Variants in WNK2 observed in about 807,000 individuals in gnomAD.
WNK2 encodes the protein WNK lysine deficient protein kinase 2, also known as serine/threonine-protein kinase WNK2.
Under a neutral mutation model 192.1 loss-of-function variants are expected in WNK2, and 67 were observed. That is an observed-to-expected ratio of 0.35 (90% CI 0.29 to 0.43). WNK2 has a LOEUF of 0.43. Ranked by LOEUF, WNK2 falls within the 20% of genes least tolerant of loss-of-function variation. The pLI, the probability that WNK2 is intolerant of heterozygous loss-of-function variation, is 1.00. For synonymous variants in WNK2, 1,439 were observed against 1,393.9 expected (o/e 1.03, Z -0.72); for missense variants, 2,698 against 3,089.7 (o/e 0.87, Z 3.01).
At chr9:93,290,175 ATCTGT>A in intron 21 of WNK2, 128 bp downstream of exon 21, 1 of 796,656 alleles carries the variant, frequency 1.3e-6, no homozygotes. Flanking sequence ...AGATCCTTTT[ATCTGT>A]AAGGGATCCT....
intron 2 of WNK2, among the ~76,000 whole-genome samples, chr9:93,194,755 G>C (rs112224729): frequency 1.3e-5 from 2 of 152,178 alleles, no homozygotes; most frequent in Non-Finnish European, 2.9e-5. Flanking sequence ...ACCTGCACAC[G>C]GATGTTTATA....
chr9:93,244,328 A>T (rs955718222), intron 7 of WNK2, among the ~76,000 whole-genome samples: 2 of 152,196 alleles, frequency 1.3e-5, no homozygotes, highest in African/African-American at 4.8e-5. Context: ...GGCCTGGGCC[A>T]GCTTCAATCT....
At chr9:93,233,216 A>T (rs1839185633) in intron 4 of WNK2, among the ~76,000 whole-genome samples, 2 of 146,058 alleles carry the variant, frequency 1.4e-5, no homozygotes, top group Non-Finnish European at 3.0e-5. Flanking sequence ...AAAAAAAAAA[A>T]ATTGCTAGTG....
rs185209720 is a variant in WNK2, at chr9:93,250,854, G to A, written c.1835-2029G>A. Among the ~76,000 whole-genome samples the A allele has an allele frequency of 2.1e-3, 293 of 139,428 alleles. 2 individuals carry two copies. Among genetic ancestry groups the A allele is most frequent in the African/African-American group, 3.1e-3 (110 of 35,932 alleles). 91.5% of individuals were successfully genotyped at this position (139,428 alleles called of 152,430 possible). On this transcript the variant is annotated intron_variant, in intron 8 of 29. Coordinates refer to ENST00000427277, the MANE Select transcript of WNK2 (RefSeq NM_006648.4). ...GTCTGGAGTGTGGTGGCGCAATCTC[G>A]GCTCACTGCAACCTCTGCCTCCCAG...
At chr9:93,208,982 G>A (rs1833987424) in intron 2 of WNK2, among the ~76,000 whole-genome samples, 1 of 152,156 alleles carries the variant, frequency 6.6e-6, no homozygotes, top group African/African-American at 2.4e-5. Context: ...GGGGGTGCTT[G>A]GTGCCCTGGC....
At chr9:93,208,481 G>A (rs1343397459) in intron 2 of WNK2, among the ~76,000 whole-genome samples, 1 of 152,138 alleles carries the variant, frequency 6.6e-6, no homozygotes, top group Non-Finnish European at 1.5e-5. Flanking sequence ...ATGTGCATGT[G>A]TTCTCTGTGT....
intron 19 of WNK2, among the ~76,000 whole-genome samples, chr9:93,271,819 T>A (rs535685484): frequency 2.8e-4 from 42 of 152,376 alleles, no homozygotes; most frequent in African/African-American, 1.0e-3. Context: ...TTCTAGAAGC[T>A]AAGCAGACCC....
chr9:93,285,388 TA>T (rs1470307241), intron 19 of WNK2, among the ~76,000 whole-genome samples: 1 of 152,206 alleles, frequency 6.6e-6, no homozygotes, highest in East Asian at 1.9e-4. Context: ...TTGGAATTAA[TA>T]AGTTAGCAAA....
chr9:93,289,614 G>A lies in WNK2; in HGVS notation c.4860G>A (p.Gln1620=). ...EAVSGRVQLP[Q]PLVEKSELAP... is the part of the protein sequence containing the mutation. ...TCTCAGGGCGTGTCCAGCTGCCCCAGCCCTTGGTGAGTAGCTGCCTTGTCC... is the reference window on the plus strand; with the variant it reads ...TCTCAGGGCGTGTCCAGCTGCCCCAACCCTTGGTGAGTAGCTGCCTTGTCC... The change falls in exon 20 of 30, where the codon CAG becomes CAA. Residue 1620 remains glutamine (Q), a synonymous_variant. Transcript: ENST00000427277. 6.8e-7 allele frequency: 1 copy of A among 1,473,132 alleles called. No homozygotes were observed. Among genetic ancestry groups the A allele is most frequent in the Non-Finnish European group, 8.9e-7 (1 of 1,117,764 alleles). 91.3% of individuals were successfully genotyped at this position (1,473,132 alleles called of 1,614,324 possible). A position where few individuals can be genotyped will look rare whatever the true frequency, so the allele number is the denominator to read the frequency against.
chr9:93,313,654 T>C (rs1854070544), intron 28 of WNK2, among the ~76,000 whole-genome samples: 1 of 152,292 alleles, frequency 6.6e-6, no homozygotes, highest in East Asian at 1.9e-4. Flanking sequence ...TTTCATATTC[T>C]TATATTTTCA....
At position 93,267,764 on chromosome 9, in the gene WNK2, C is replaced by A; in HGVS notation, c.3715C>A (p.Leu1239Met). The A allele has an allele frequency of 6.2e-7, 1 of 1,602,776 alleles. No homozygotes were observed. The highest frequency in any genetic ancestry group is 8.5e-7 in the Non-Finnish European group (1 of 1,174,656). The change falls in exon 17 of 30, where the codon CTG (leucine) becomes ATG (methionine). Residue 1239 changes from leucine to methionine, a missense_variant. This residue lies in a region of WNK2 where 1,098 missense variants were observed against 1,101.0 expected (regional missense o/e 1.00). Transcript: ENST00000427277. ...ATYMVEHDFILQAERETFIEQ... is the reference protein window; with the variant it reads ...ATYMVEHDFIMQAERETFIEQ... ...TTTGCAGGTGGAGCATGACTTTATCCTGCAGGCCGAGCGGGAAACGTTCAT... is the reference window on the plus strand; with the variant it reads ...TTTGCAGGTGGAGCATGACTTTATCATGCAGGCCGAGCGGGAAACGTTCAT...
rs190977216 is a variant in WNK2 at position 93,199,059 on chromosome 9, G to C, written c.681+13449G>C. Among the ~76,000 whole-genome samples, 48 of 152,336 alleles carry C rather than the reference G, an allele frequency of 3.2e-4. 1 individual carries two copies. Among genetic ancestry groups the C allele is most frequent in the South Asian group, 6.2e-4 (3 of 4,826 alleles). On this transcript the variant is annotated intron_variant, in intron 2 of 29. Coordinates refer to ENST00000427277, the MANE Select transcript of WNK2 (RefSeq NM_006648.4). ...CTGGACCCAGGTTCCCACACACCCTGCATGCCTCCATGCTGTCCCCTGTGA... is the reference window on the plus strand; with the variant it reads ...CTGGACCCAGGTTCCCACACACCCTCCATGCCTCCATGCTGTCCCCTGTGA...
chr9:93,219,915 G>A (rs903725274), intron 2 of WNK2, among the ~76,000 whole-genome samples: 14 of 152,228 alleles, frequency 9.2e-5, no homozygotes, highest in African/African-American at 2.7e-4. Context: ...GAGTGCAGGC[G>A]CATCCAGGCC....
intron 2 of WNK2, among the ~76,000 whole-genome samples, chr9:93,201,011 G>A (rs1832244420): frequency 6.6e-6 from 1 of 152,144 alleles, no homozygotes; most frequent in South Asian, 2.1e-4. Flanking sequence ...AACAGCAAGG[G>A]GCCTTTCTTT....
intron 2 of WNK2, among the ~76,000 whole-genome samples, chr9:93,189,077 T>A (rs890461477): frequency 1.3e-5 from 2 of 152,184 alleles, no homozygotes; most frequent in Admixed American, 1.3e-4. Context: ...TGAGAAAACA[T>A]AGCCAACTCA....
At chr9:93,299,725 G>A (rs991972933) in intron 25 of WNK2, among the ~76,000 whole-genome samples, 5 of 152,170 alleles carry the variant, frequency 3.3e-5, no homozygotes, top group African/African-American at 4.8e-5. Flanking sequence ...AAATTCTCTC[G>A]TCAACGCTGC....
In WNK2 at chr9:93,289,156, G is replaced by A. The variant is rs753285529; in HGVS notation, c.4402G>A (p.Ala1468Thr). 76 of 1,599,520 alleles carry A rather than the reference G, an allele frequency of 4.8e-5. No individual in the cohort carries two copies. Among genetic ancestry groups the A allele is most frequent in the South Asian group, 1.9e-4 (17 of 89,948 alleles). The stretch of plus-strand genomic sequence containing the variant: ...TCCAGAGGCTGCCTCAACCAGGGAC[G>A]CCAGTGCCCCAAGGGAGCCCCTGCC... ...PAPEAASTRDASAPREPLPPP... is the reference protein window; with the variant it reads ...PAPEAASTRDTSAPREPLPPP... The change falls in exon 20 of 30, where the codon GCC becomes ACC. Residue 1468 changes from alanine to threonine, a missense_variant. Coordinates refer to ENST00000427277, the MANE Select transcript of WNK2 (RefSeq NM_006648.4).
chr9:93,218,524 T>A (rs1031197956), intron 2 of WNK2, among the ~76,000 whole-genome samples: 2 of 152,132 alleles, frequency 1.3e-5, no homozygotes, highest in African/African-American at 4.8e-5. Context: ...TGTGGTGGGA[T>A]GGCCCCATGG....
intron 2 of WNK2, among the ~76,000 whole-genome samples, 187 bp downstream of exon 2, chr9:93,185,797 G>T (rs1829200080): frequency 6.6e-6 from 1 of 152,258 alleles, no homozygotes; most frequent in South Asian, 2.1e-4. Flanking sequence ...GTGGGGCCTG[G>T]CTGTGTCCGT....
Sources: gnomAD v4.1 joint callset for allele counts (sites outside exome capture counted in the v4.1 genomes callset) on GRCh38, gnomAD v4.1.1 for gene constraint, gnomAD v4.1.1 regional missense constraint, MANE v1.5 for transcripts, NCBI Gene and HGNC (gene_info 2026-07-23, HGNC 2026-07-21) for gene names.